The following EPHA6 variants were observed in gnomAD, a reference collection of about 807,000 sequenced individuals.
EPHA6 encodes the protein EPH receptor A6, also known as ephrin type-A receptor 6.
In EPHA6, 50 loss-of-function variants were observed where a neutral mutation model predicts 112.0. The ratio of observed to expected loss-of-function variants is 0.45; its 90% confidence interval spans 0.36 to 0.56. The LOEUF (loss-of-function observed/expected upper bound fraction) is 0.56. Ranked by LOEUF, EPHA6 falls within the 20% of genes least tolerant of loss-of-function variation. The pLI, the probability that EPHA6 is intolerant of heterozygous loss-of-function variation, is 0.00. For synonymous variants in EPHA6, 529 were observed against 490.7 expected (o/e 1.08, Z -1.03); for missense variants, 1,280 against 1,417.4 (o/e 0.90, Z 1.56).
chr3:97,406,302 G>A (rs563817085), intron 6 of EPHA6, among the ~76,000 whole-genome samples: 2 of 152,220 alleles, frequency 1.3e-5, no homozygotes, highest in African/African-American at 4.8e-5. Context: ...TTCTGGAGAC[G>A]AAGAAGTCTG....
At chr3:97,541,726 TG>T (rs1226298157) in intron 11 of EPHA6, among the ~76,000 whole-genome samples, 6 of 124,104 alleles carry the variant, frequency 4.8e-5, no homozygotes, top group African/African-American at 1.2e-4. Flanking sequence ...TTCTTTTTTT[TG>T]TTTTTTTTTT....
At chr3:97,547,693 GCTGTGGTGGGCTC>G (rs1312451588) in intron 11 of EPHA6, among the ~76,000 whole-genome samples, 1 of 152,224 alleles carries the variant, frequency 6.6e-6, no homozygotes, top group Non-Finnish European at 1.5e-5. Flanking sequence ...GACTCCTTGA[GCTGTGGTGGGCTC>G]CACCCAGTTC....
intron 6 of EPHA6, among the ~76,000 whole-genome samples, chr3:97,428,047 C>T (rs753957685): frequency 1.2e-4 from 17 of 147,554 alleles, no homozygotes; most frequent in Non-Finnish European, 2.4e-4. Flanking sequence ...TTTCCTGAAC[C>T]TAAAATAAAA....
At chr3:97,721,780 C>G (rs574942374) in intron 15 of EPHA6, among the ~76,000 whole-genome samples, 36 of 152,314 alleles carry the variant, frequency 2.4e-4, no homozygotes, top group Admixed American at 5.2e-4. Context: ...TGCCATTGGG[C>G]TTTGTTTGGG....
intron 11 of EPHA6, among the ~76,000 whole-genome samples, chr3:97,538,718 A>G (rs187623590): frequency 1.1e-4 from 16 of 152,274 alleles, no homozygotes; most frequent in African/African-American, 3.8e-4. Flanking sequence ...TGAGCTGAGA[A>G]ACCAACTTAG....
Position 96,987,409 on chromosome 3 carries a change from A to G in EPHA6, c.530A>G (p.Gln177Arg). The G allele has an allele frequency of 2.5e-6, 4 of 1,613,974 alleles. No homozygotes were observed. Among genetic ancestry groups the G allele is most frequent in the South Asian group, 2.2e-5 (2 of 91,086 alleles). Reference protein sequence around the residue: ...YQVCNVMEPNQNNWLRTNWIS... With the variant: ...YQVCNVMEPNRNNWLRTNWIS... The stretch of plus-strand genomic sequence containing the variant: ...GTATGTAATGTAATGGAACCAAACC[A>G]AAACAACTGGCTTCGTACAAACTGG... Residue 177 changes from glutamine to arginine, a missense_variant, in exon 3 of 18, where the codon CAA becomes CGA. By Grantham distance (43) the Gln-to-Arg change is conservative. Coordinates refer to ENST00000389672, the MANE Select transcript of EPHA6 (RefSeq NM_001080448.3).
chr3:97,429,451 A>G (rs760712211), intron 6 of EPHA6, among the ~76,000 whole-genome samples: 24 of 152,180 alleles, frequency 1.6e-4, no homozygotes, highest in Non-Finnish European at 2.8e-4. Flanking sequence ...TATGAATTTG[A>G]AGCAAGTACT....
intron 2 of EPHA6, among the ~76,000 whole-genome samples, chr3:96,931,363 C>G (rs2040317866): frequency 1.3e-5 from 2 of 152,204 alleles, no homozygotes; most frequent in South Asian, 4.1e-4. Flanking sequence ...TTTGGACTCT[C>G]AAAAGCCAGC....
At chr3:97,637,776 T>A (rs1356032391) in intron 13 of EPHA6, 97 bp from the exon 14 acceptor site, 1 of 882,200 alleles carries the variant, frequency 1.1e-6, no homozygotes, top group Non-Finnish European at 1.8e-6. Flanking sequence ...TTATCTTCAT[T>A]TGATCCAATA....
At position 96,902,064 on chromosome 3, in the gene EPHA6, T is replaced by G. The variant is rs559533779; in HGVS notation, c.450+35175T>G. Among the ~76,000 whole-genome samples, 16 of 152,246 alleles carry G rather than the reference T, an allele frequency of 1.1e-4. No individual in the cohort carries two copies. The East Asian group carries it at 3.1e-3, about 29-fold the overall frequency. On this transcript the variant is annotated intron_variant, in intron 2 of 17. Transcript: ENST00000389672. The stretch of plus-strand genomic sequence containing the variant: ...CACAAAACTTATTACTAATTTACAG[T>G]GTCAGCCTATTATGTTGCTAATAAG...
intron 14 of EPHA6, among the ~76,000 whole-genome samples, chr3:97,654,155 A>T (rs928776036): frequency 1.3e-5 from 2 of 152,006 alleles, no homozygotes; most frequent in African/African-American, 4.8e-5. Context: ...AAAGAAAGGT[A>T]AATATGTGAG....
intron 1 of EPHA6, among the ~76,000 whole-genome samples, chr3:96,822,332 G>T (rs966533184): frequency 1.3e-5 from 2 of 151,756 alleles, no homozygotes; most frequent in Non-Finnish European, 3.0e-5. Context: ...ATTTCAAATC[G>T]TAGCAATTGT....
intron 9 of EPHA6, among the ~76,000 whole-genome samples, chr3:97,481,947 G>A (rs552791244): frequency 1.2e-4 from 18 of 152,154 alleles, no homozygotes; most frequent in Non-Finnish European, 2.6e-4. Flanking sequence ...CAAGAGGTAG[G>A]TTAGCATAAA....
At chr3:97,353,153 A>T (rs1256078294) in intron 5 of EPHA6, among the ~76,000 whole-genome samples, 2 of 151,906 alleles carry the variant, frequency 1.3e-5, no homozygotes, top group Non-Finnish European at 2.9e-5. Context: ...CCAAGGCAGT[A>T]CTCACCACAG....
intron 3 of EPHA6, among the ~76,000 whole-genome samples, chr3:97,015,077 A>T (rs2044220017): frequency 6.6e-6 from 1 of 152,226 alleles, no homozygotes; most frequent in Non-Finnish European, 1.5e-5. Flanking sequence ...TGGAGAAGAA[A>T]ATAATTACCA....
At chr3:96,878,813 G>A (rs1008433576) in intron 2 of EPHA6, among the ~76,000 whole-genome samples, 1 of 151,970 alleles carries the variant, frequency 6.6e-6, no homozygotes, top group Non-Finnish European at 1.5e-5. Flanking sequence ...TTGTCATAGA[G>A]AAGGAATAAA....
chr3:96,818,180 G>C (rs775743835), intron 1 of EPHA6, among the ~76,000 whole-genome samples: 3 of 151,856 alleles, frequency 2.0e-5, no homozygotes, highest in Non-Finnish European at 2.9e-5. Context: ...ACACTTATAT[G>C]AATATAAAAC....
At chr3:97,208,343 T>C (rs2077769470) in intron 3 of EPHA6, among the ~76,000 whole-genome samples, 1 of 152,196 alleles carries the variant, frequency 6.6e-6, no homozygotes, top group Admixed American at 6.6e-5. Context: ...AACTATTTAG[T>C]TACATGAATA....
At chr3:97,485,862 T>C (rs1264695732) in intron 10 of EPHA6, among the ~76,000 whole-genome samples, 1 of 152,224 alleles carries the variant, frequency 6.6e-6, no homozygotes, top group African/African-American at 2.4e-5. Context: ...TTATACTGCC[T>C]TGTCCAATAC....
Sources: allele counts gnomAD v4.1 joint callset (sites outside exome capture counted in the v4.1 genomes callset), GRCh38; gene constraint gnomAD v4.1.1; transcripts MANE v1.5; gene names NCBI Gene and HGNC (gene_info 2026-07-23, HGNC 2026-07-21).